The following GABBR2 variants were observed in gnomAD, a reference collection of about 807,000 sequenced individuals.
GABBR2 encodes the protein gamma-aminobutyric acid type B receptor subunit 2, also known as G-protein coupled receptor 51.
Under a neutral mutation model 105.6 loss-of-function variants are expected in GABBR2, and 23 were observed. The observed-to-expected ratio is 0.22, with a 90% CI of 0.16 to 0.31. GABBR2 has a LOEUF of 0.31. GABBR2 is among the 10% of genes least tolerant of loss of function. GABBR2 has a pLI of 1.00. For missense variants in GABBR2, 734 were observed against 1,245.5 expected (o/e 0.59, Z 6.18); for synonymous variants, 478 against 499.7 (o/e 0.96, Z 0.58).
intron 4 of GABBR2, among the ~76,000 whole-genome samples, chr9:98,491,144 G>C (rs978050575): frequency 8.5e-5 from 13 of 152,054 alleles, no homozygotes; most frequent in African/African-American, 2.9e-4. Context: ...AGCAATAATA[G>C]TCCGTGAGCA....
At chr9:98,318,208 C>G (rs765141404) in intron 13 of GABBR2, among the ~76,000 whole-genome samples, 1 of 152,160 alleles carries the variant, frequency 6.6e-6, no homozygotes, top group East Asian at 1.9e-4. Flanking sequence ...GATTCAGGTG[C>G]GCGGTCCCGG....
chr9:98,330,188 C>A (rs1236458534), intron 13 of GABBR2, among the ~76,000 whole-genome samples: 1 of 152,146 alleles, frequency 6.6e-6, no homozygotes, highest in Non-Finnish European at 1.5e-5. Context: ...TCCAGATACA[C>A]CCTACATTTT....
intron 2 of GABBR2, among the ~76,000 whole-genome samples, chr9:98,560,536 G>A (rs144512207): frequency 2.0e-5 from 3 of 150,738 alleles, no homozygotes; most frequent in Non-Finnish European, 4.4e-5. Context: ...ACACACAGGC[G>A]CATTCACAAC....
chr9:98,534,831 A>G lies in GABBR2; in HGVS notation c.630+7042T>C, dbSNP rs367674070. ...AGACAGTTTGGCGTTTTCTTACAAC[A>G]TGAAACATACCCTTACCATATGATC... On this transcript the variant is annotated intron_variant, in intron 3 of 18. Transcript: ENST00000259455. Among the ~76,000 whole-genome samples the G allele has an allele frequency of 9.2e-5, 14 of 152,368 alleles. No homozygotes were observed. The East Asian group carries it at 1.2e-3, about 13-fold the overall frequency.
intron 1 of GABBR2, among the ~76,000 whole-genome samples, chr9:98,698,465 C>T (rs115102828): frequency 0.015 from 2,339 of 152,010 alleles, 64 homozygotes; most frequent in African/African-American, 0.053. Context: ...TCTTAAACTC[C>T]AGCTCATAAC....
At chr9:98,611,360 C>T (rs1487232518) in intron 1 of GABBR2, among the ~76,000 whole-genome samples, 1 of 152,180 alleles carries the variant, frequency 6.6e-6, no homozygotes, top group East Asian at 1.9e-4. Flanking sequence ...CACTTACTGT[C>T]ACCCCATCCC....
At chr9:98,483,385 C>T (rs1359109925) in intron 4 of GABBR2, among the ~76,000 whole-genome samples, 3 of 152,226 alleles carry the variant, frequency 2.0e-5, no homozygotes, top group South Asian at 2.1e-4. Context: ...ATCCACCCAT[C>T]GCCACAGAGC....
intron 13 of GABBR2, among the ~76,000 whole-genome samples, chr9:98,337,263 C>T (rs1831132934): frequency 6.6e-6 from 1 of 152,150 alleles, no homozygotes; most frequent in African/African-American, 2.4e-5. Context: ...CAAGATTGCA[C>T]CAATGCACTC....
chr9:98,683,722 A>C (rs1287540510), intron 1 of GABBR2, among the ~76,000 whole-genome samples: 1 of 152,104 alleles, frequency 6.6e-6, no homozygotes, highest in South Asian at 2.1e-4. Context: ...ACAGAAAATT[A>C]ATCCAGGCCG....
At chr9:98,702,023 C>T (rs929084505) in intron 1 of GABBR2, among the ~76,000 whole-genome samples, 6 of 152,132 alleles carry the variant, frequency 3.9e-5, no homozygotes, top group Admixed American at 3.9e-4. Context: ...TCATTTGTCC[C>T]TTATGCACCT....
chr9:98,698,385 GGCAAAAGAAT>G (rs1282278376), intron 1 of GABBR2, among the ~76,000 whole-genome samples: 1 of 152,210 alleles, frequency 6.6e-6, no homozygotes, highest in East Asian at 1.9e-4. Flanking sequence ...GTAGAAAATC[GGCAAAAGAAT>G]GCCCCCATCA....
intron 1 of GABBR2, among the ~76,000 whole-genome samples, chr9:98,707,073 A>G (rs1444485185): frequency 2.6e-5 from 4 of 152,188 alleles, no homozygotes; most frequent in African/African-American, 9.6e-5. Context: ...TTTTATTTAC[A>G]GCGCAGAGCA....
chr9:98,477,939 A>T, intron 5 of GABBR2, among the ~76,000 whole-genome samples: 1 of 152,068 alleles, frequency 6.6e-6, no homozygotes, highest in East Asian at 1.9e-4. Flanking sequence ...GCAGCTGGGG[A>T]CCAGAGATGT....
chr9:98,684,824 C>T (rs1455115047), intron 1 of GABBR2, among the ~76,000 whole-genome samples: 1 of 152,196 alleles, frequency 6.6e-6, no homozygotes, highest in Non-Finnish European at 1.5e-5. Flanking sequence ...ATGGACTCTG[C>T]TTGAATTCCC....
rs3983548 is a variant in GABBR2 at position 98,324,493 on chromosome 9, GACACACACACACACAC to G, written c.1894-13304_1894-13289del. 0.021 allele frequency among the ~76,000 whole-genome samples: 2,972 copies of G among 143,368 alleles called. 183 individuals are homozygous for G. The East Asian group carries it at 0.21, about 10-fold the overall frequency. 94.1% of individuals were successfully genotyped at this position (143,368 alleles called of 152,430 possible). On this transcript the variant is annotated intron_variant, in intron 13 of 18. Coordinates refer to ENST00000259455, the MANE Select transcript of GABBR2 (RefSeq NM_005458.8). ...CAGTAAGACAAAAGACTACAGAGCC[GACACACACACACACAC>G]ACACACACACACACACACACACACA...
At chr9:98,466,348 C>T (rs1389914499) in intron 6 of GABBR2, among the ~76,000 whole-genome samples, 1 of 152,230 alleles carries the variant, frequency 6.6e-6, no homozygotes, top group Non-Finnish European at 1.5e-5. Context: ...TGGGTATTAA[C>T]TGTAACACAT....
At chr9:98,624,622 T>TG (rs1460532113) in intron 1 of GABBR2, among the ~76,000 whole-genome samples, 1 of 151,086 alleles carries the variant, frequency 6.6e-6, no homozygotes, top group Non-Finnish European at 1.5e-5. Flanking sequence ...AAGGAGCTGC[T>TG]GGTAGCAGCC....
At chr9:98,410,754 T>C (rs1217469667) in intron 7 of GABBR2, among the ~76,000 whole-genome samples, 7 of 152,078 alleles carry the variant, frequency 4.6e-5, no homozygotes, top group Non-Finnish European at 7.4e-5. Flanking sequence ...ATCTGCTCTG[T>C]GGTCATTTTT....
At chr9:98,421,857 A>G (rs1414089239) in intron 7 of GABBR2, among the ~76,000 whole-genome samples, 1 of 152,234 alleles carries the variant, frequency 6.6e-6, no homozygotes, top group Admixed American at 6.5e-5. Context: ...TAAAGGTTTA[A>G]ATGAGAAAGG....
Sources: allele counts gnomAD v4.1 joint callset (sites outside exome capture counted in the v4.1 genomes callset), GRCh38; gene constraint gnomAD v4.1.1; transcripts MANE v1.5; gene names NCBI Gene and HGNC (gene_info 2026-07-23, HGNC 2026-07-21).